PSD3: variants seen among roughly 807,000 people sequenced by gnomAD.
PSD3 encodes the protein PH and SEC7 domain-containing protein 3.
A neutral mutation model predicts 105.5 loss-of-function variants in PSD3; 49 were observed. The ratio of observed to expected loss-of-function variants is 0.46; its 90% CI spans 0.37 to 0.59. The LOEUF (loss-of-function observed/expected upper bound fraction) is 0.59, where lower values mean the gene tolerates loss of function less well. PSD3 is among the 20% of genes least tolerant of loss of function. The pLI, the probability that PSD3 is intolerant of heterozygous loss-of-function variation, is 0.00. For missense variants in PSD3, 1,561 were observed against 1,263.8 expected, an observed-to-expected ratio of 1.24 and a Z score of -3.57; for synonymous variants, 557 against 457.8, an observed-to-expected ratio of 1.22 and a Z score of -2.77.
At chr8:18,772,096 T>C (rs73199985) in intron 8 of PSD3, among the ~76,000 whole-genome samples, 3,924 of 152,358 alleles carry the variant, frequency 0.026, 75 homozygotes, top group Non-Finnish European at 0.04. Context: ...TTCCATTTTA[T>C]GTAGAGACAA....
intron 1 of PSD3, among the ~76,000 whole-genome samples, chr8:18,975,450 G>T (rs1824889778): frequency 6.6e-6 from 1 of 152,008 alleles, no homozygotes; most frequent in South Asian, 2.1e-4. Flanking sequence ...AAGTCACGCA[G>T]AAGAGCGTTT....
At chr8:18,701,124 C>G (rs1287701920) in intron 9 of PSD3, among the ~76,000 whole-genome samples, 1 of 128,316 alleles carries the variant, frequency 7.8e-6, no homozygotes, top group Non-Finnish European at 1.7e-5. Flanking sequence ...TGCCAAGAAG[C>G]CTGGCTGATT....
At chr8:18,696,538 G>A (rs1326274485) in intron 9 of PSD3, among the ~76,000 whole-genome samples, 2 of 152,098 alleles carry the variant, frequency 1.3e-5, no homozygotes, top group Non-Finnish European at 2.9e-5. Flanking sequence ...TACATTCCGA[G>A]GAGCAAATAA....
intron 1 of PSD3, among the ~76,000 whole-genome samples, chr8:19,070,493 T>C (rs930599329): frequency 6.6e-6 from 1 of 151,654 alleles, no homozygotes; most frequent in Non-Finnish European, 1.5e-5. Flanking sequence ...TTGACCAACA[T>C]GGTGAAACGC....
At chr8:18,665,046 T>C (rs1036158661) in intron 9 of PSD3, among the ~76,000 whole-genome samples, 9 of 152,218 alleles carry the variant, frequency 5.9e-5, no homozygotes, top group Non-Finnish European at 1.2e-4. Context: ...TACAAGGAGA[T>C]GACTGTTGTT....
At chr8:18,862,441 G>A (rs573608470) in intron 4 of PSD3, among the ~76,000 whole-genome samples, 3 of 151,892 alleles carry the variant, frequency 2.0e-5, no homozygotes, top group Non-Finnish European at 2.9e-5. Context: ...AGAGAAAAAT[G>A]AGAACCTCTT....
intron 4 of PSD3, among the ~76,000 whole-genome samples, chr8:18,821,864 CA>C (rs760928259): frequency 0.19 from 16,458 of 86,988 alleles, 954 homozygotes; most frequent in South Asian, 0.26. Context: ...CACACACATG[CA>C]CACACACCAC....
intron 4 of PSD3, among the ~76,000 whole-genome samples, chr8:18,812,919 A>G (rs1014403295): frequency 2.0e-5 from 3 of 152,158 alleles, no homozygotes; most frequent in African/African-American, 7.2e-5. Flanking sequence ...ATAGGTCTAA[A>G]GAGAGGAACA....
At chr8:18,987,478 G>A (rs1311208337) in intron 1 of PSD3, among the ~76,000 whole-genome samples, 1 of 151,908 alleles carries the variant, frequency 6.6e-6, no homozygotes, top group East Asian at 2.0e-4. Context: ...TAGTAGAGAT[G>A]GGGTTTCACT....
chr8:18,988,513 T>C (rs1825625603), intron 1 of PSD3, among the ~76,000 whole-genome samples: 1 of 152,194 alleles, frequency 6.6e-6, no homozygotes, highest in Non-Finnish European at 1.5e-5. Flanking sequence ...CCACAGCACT[T>C]AGGAAATGGT....
chr8:18,729,576 G>C (rs566318869), intron 9 of PSD3, among the ~76,000 whole-genome samples: 22 of 152,216 alleles, frequency 1.4e-4, no homozygotes, highest in Non-Finnish European at 2.6e-4. Flanking sequence ...GACAAAAAAG[G>C]GTACAGTGCA....
rs1817437691 is a variant in PSD3 at position 18,872,375 on chromosome 8, A to C, written c.489T>G (p.Ser163Arg). The change falls in exon 3 of 16, where the codon AGT becomes AGG. Residue 163 changes from serine to arginine, a missense_variant. Transcript: ENST00000327040. ...TKVLDQDAVS[S>R]FSVQQVEKEL... ...CTTTTTCCACCTGCTGAACTGAAAA[A>C]CTAGAAACAGCATCTTGGTCCAGTA... 1 of 1,614,140 alleles carries C rather than the reference A, an allele frequency of 6.2e-7. No individual in the cohort carries two copies. The highest frequency in any genetic ancestry group is 8.5e-7 in the Non-Finnish European group (1 of 1,180,022).
chr8:18,654,633 A>G (rs187223832), intron 10 of PSD3, among the ~76,000 whole-genome samples: 77 of 152,320 alleles, frequency 5.1e-4, no homozygotes, highest in African/African-American at 1.6e-3. Context: ...AGTATTTCTC[A>G]AAGTATGTAC....
At chr8:18,745,364 T>C (rs1189087808) in intron 9 of PSD3, among the ~76,000 whole-genome samples, 1 of 152,236 alleles carries the variant, frequency 6.6e-6, no homozygotes, top group Non-Finnish European at 1.5e-5. Context: ...TTCTCCACAA[T>C]TTTTAAAATG....
chr8:18,969,860 T>C (rs1824521125), intron 1 of PSD3, among the ~76,000 whole-genome samples: 1 of 151,936 alleles, frequency 6.6e-6, no homozygotes, highest in Admixed American at 6.6e-5. Context: ...ATGTTCTCCA[T>C]ATAAATATTT....
chr8:19,070,732 T>C lies in PSD3; in HGVS notation c.324+13474A>G, dbSNP rs529330690. Among the ~76,000 whole-genome samples the C allele has an allele frequency of 2.0e-5, 3 of 152,230 alleles. No homozygotes were observed. The East Asian group carries it at 5.8e-4, about 29-fold the overall frequency. ...AGCACTACTATTTTCTTTCAGTACC[T>C]AGTACATTGTCTTGTACACCTCACT... On this transcript the variant is annotated intron_variant, in intron 1 of 1. Coordinates refer to the PSD3 transcript ENST00000521475.
rs550269550 is a variant in PSD3 at position 18,708,597 on chromosome 8, C to T, written c.2173-52912G>A. Among the ~76,000 whole-genome samples, 21 of 152,212 alleles carry T rather than the reference C, an allele frequency of 1.4e-4. No homozygotes were observed. The South Asian group carries it at 4.1e-3, about 30-fold the overall frequency. On this transcript the variant is annotated intron_variant, in intron 9 of 15. Coordinates refer to ENST00000327040, the MANE Select transcript of PSD3 (RefSeq NM_015310.4). ...AACCTTCTGTAACAGACAACATTTT[C>T]GTCATGACCCAGTACATAAAAGATG...
At chr8:18,798,106 A>G (rs995131170) in intron 8 of PSD3, among the ~76,000 whole-genome samples, 5 of 152,184 alleles carry the variant, frequency 3.3e-5, no homozygotes, top group African/African-American at 1.2e-4. Flanking sequence ...GATGAACATT[A>G]GATTGCGGTA....
At chr8:18,577,683 T>C (rs532270034) in intron 12 of PSD3, among the ~76,000 whole-genome samples, 140 of 152,208 alleles carry the variant, frequency 9.2e-4, no homozygotes, top group African/African-American at 3.2e-3. Context: ...AAATGCTCTG[T>C]TTATCTATTC....
Sources: gnomAD v4.1 joint callset for allele counts (sites outside exome capture counted in the v4.1 genomes callset) on GRCh38, gnomAD v4.1.1 for gene constraint, MANE v1.5 for transcripts, NCBI Gene and HGNC (gene_info 2026-07-23, HGNC 2026-07-21) for gene names.